The following MAP7D1 variants were observed in gnomAD, a reference collection of about 807,000 sequenced individuals.
MAP7D1 encodes the protein MAP7 domain containing 1.
A neutral mutation model predicts 97.5 loss-of-function variants in MAP7D1; 30 were observed. The ratio of observed to expected loss-of-function variants is 0.31; its 90% CI spans 0.23 to 0.42. The LOEUF (loss-of-function observed/expected upper bound fraction) is 0.42, where lower values mean the gene tolerates loss of function less well. Among genes scored for constraint, MAP7D1 ranks in the 10% least tolerant of loss-of-function variants. MAP7D1 has a pLI of 1.00. For missense variants in MAP7D1, 1,184 were observed against 1,179.5 expected (o/e 1.00, Z -0.06); for synonymous variants, 536 against 477.1 (o/e 1.12, Z -1.61).
At chr1:36,179,850 G>A in intron 15 of MAP7D1, 24 bp from the exon 16 acceptor site, 1 of 1,597,738 alleles carries the variant, frequency 6.3e-7, no homozygotes, top group Non-Finnish European at 8.5e-7. Flanking sequence ...GTGAGGTGCT[G>A]AGCCTTGGCC....
chr1:36,178,391 T>A (rs749153685), intron 9 of MAP7D1, 28 bp from the exon 10 acceptor site: 5 of 1,599,702 alleles, frequency 3.1e-6, no homozygotes, highest in Non-Finnish European at 3.4e-6. Context: ...GTGGGTGTGC[T>A]GACGCCTGAT....
At chr1:36,171,622 C>A (rs758244154) in intron 3 of MAP7D1, 41 bp downstream of exon 3, 2 of 1,602,976 alleles carry the variant, frequency 1.2e-6, no homozygotes, top group Non-Finnish European at 1.7e-6. Flanking sequence ...TCATCGTCAT[C>A]ATCAGCATCC....
chr1:36,178,173 G>A lies in MAP7D1; in HGVS notation c.1680G>A (p.Lys560=). ...CGCCCACCCCAGCCCCGCCCCAGAA[G>A]GAGCAGCCCCCCGCGGAGACCCCTA... is the stretch of plus-strand genomic sequence containing the variant. The part of the protein sequence containing the change: ...APSPTPAPPQ[K]EQPPAETPTD... Residue 560 remains lysine (K), a synonymous_variant, in exon 9 of 17, where the codon AAG becomes AAA. Transcript: ENST00000474796. 6.3e-7 allele frequency: 1 copy of A among 1,575,828 alleles called. No homozygotes were observed. The highest frequency in any genetic ancestry group is 8.6e-7 in the Non-Finnish European group (1 of 1,161,776).
At position 36,161,877 on chromosome 1, in the gene MAP7D1, A is replaced by ATGTG. The variant is rs10531948; in HGVS notation, c.46+5445_46+5448dup. ...GTTTCCTCTGCATGTGTGTGTGTGT[A>ATGTG]TGTGTGTGTGTGTGTGTGTGTGTGT... On this transcript the variant is annotated intron_variant, in intron 1 of 16. Transcript: ENST00000474796. Among the ~76,000 whole-genome samples, 586 of 139,130 alleles carry ATGTG rather than the reference A, an allele frequency of 4.2e-3. 5 individuals are homozygous for ATGTG. Among genetic ancestry groups the ATGTG allele is most frequent in the African/African-American group, 0.011 (412 of 35,918 alleles). The allele number at this position is 139,130 out of a possible 152,430, so 91.3% of individuals were successfully genotyped here.
chr1:36,179,386 T>C, intron 13 of MAP7D1, 71 bp downstream of exon 13: 1 of 1,595,556 alleles, frequency 6.3e-7, no homozygotes, highest in Non-Finnish European at 8.6e-7. Context: ...CGGAAAGGCA[T>C]CCATGGCCAC....
At position 36,176,846 on chromosome 1, in the gene MAP7D1, G is replaced by C. The variant is rs777908717; in HGVS notation, c.1379+4G>C. On this transcript the variant is annotated splice_donor_region_variant and intron_variant, in intron 8 of 16. Coordinates refer to ENST00000474796, the MANE Select transcript of MAP7D1 (RefSeq NM_001388490.1). This position sits in a 1 kb window ranked among gnomAD's most constrained non-coding sequence, Gnocchi z 6.1. ...CCAGCACCGCCTCTGAGCTCAGGTG[G>C]GCGCGGGCGGTGCGAGGGACCCTGC... 2 of 1,587,052 alleles carry C rather than the reference G, an allele frequency of 1.3e-6. No individual in the cohort carries two copies. The highest frequency in any genetic ancestry group is 3.6e-5 in the Admixed American group (2 of 56,190).
At chr1:36,173,588 CTTGCT>C (rs962937084) in intron 5 of MAP7D1, 110 bp downstream of exon 5, 1 of 748,012 alleles carries the variant, frequency 1.3e-6, no homozygotes, top group Non-Finnish European at 2.2e-6. Flanking sequence ...GCAGGTGTGC[CTTGCT>C]TTATGTGACT....
In MAP7D1 at chr1:36,179,012, A is replaced by G; in HGVS notation, c.2117A>G (p.Gln706Arg). The G allele has an allele frequency of 1.3e-6, 2 of 1,553,976 alleles. No homozygotes were observed. Among genetic ancestry groups the G allele is most frequent in the Non-Finnish European group, 1.7e-6 (2 of 1,149,248 alleles). Residue 706 changes from glutamine (Q) to arginine (R), a missense_variant, in exon 12 of 17, where the codon CAA becomes CGA. Physicochemically the swap from Gln to Arg is conservative, Grantham distance 43 (BLOSUM62 1). Coordinates refer to ENST00000474796, the MANE Select transcript of MAP7D1 (RefSeq NM_001388490.1). The stretch of plus-strand genomic sequence containing the variant: ...TTCCAGCAGCAGGAGCAAGAGCGGC[A>G]AGAGCGCAGAAAGGTGTGCGGACCT... ...KHFQQQEQER[Q>R]ERRKRLEEIM...
chr1:36,174,272 A>G (rs1644586895), intron 5 of MAP7D1, among the ~76,000 whole-genome samples: 1 of 152,180 alleles, frequency 6.6e-6, no homozygotes, highest in Non-Finnish European at 1.5e-5. Context: ...AGCTGCTACA[A>G]ATGTCATGAT....
intron 1 of MAP7D1, among the ~76,000 whole-genome samples, chr1:36,162,808 A>C (rs1644430495): frequency 6.6e-6 from 1 of 152,104 alleles, no homozygotes; most frequent in Admixed American, 6.5e-5. Context: ...CAGTACCCCC[A>C]CCCACATATC....
chr1:36,171,698 C>G, intron 3 of MAP7D1, 117 bp downstream of exon 3: 2 of 1,024,566 alleles, frequency 2.0e-6, no homozygotes, highest in South Asian at 2.8e-5. Flanking sequence ...TTTGGGAGGC[C>G]GAGGCGGGCG....
chr1:36,178,307 G>A, intron 9 of MAP7D1, 106 bp downstream of exon 9: 1 of 1,471,610 alleles, frequency 6.8e-7, no homozygotes, highest in Non-Finnish European at 9.1e-7. Flanking sequence ...GTGGGACATG[G>A]AAAGAGGAGA....
intron 2 of MAP7D1, 86 bp from the exon 3 acceptor site, chr1:36,171,427 G>A: frequency 6.4e-7 from 1 of 1,562,158 alleles, no homozygotes; most frequent in Non-Finnish European, 8.8e-7. Flanking sequence ...AGAAAGGATG[G>A]GGTGAGGCCC....
At chr1:36,178,266 G>A in intron 9 of MAP7D1, 65 bp downstream of exon 9, 1 of 1,484,684 alleles carries the variant, frequency 6.7e-7, no homozygotes, top group Non-Finnish European at 9.0e-7. Flanking sequence ...GTGTGGGGGT[G>A]TGGGCCGCCA....
chr1:36,173,501 G>C (rs1259757907), intron 5 of MAP7D1, 23 bp downstream of exon 5: 1 of 1,554,016 alleles, frequency 6.4e-7, no homozygotes, highest in African/African-American at 1.4e-5. Context: ...GAGGGGCTGG[G>C]GAGTGGGTGG....
In MAP7D1 at chr1:36,166,681, AC is replaced by A. The variant is rs1644478790; in HGVS notation, c.47-4287del. On this transcript the variant is annotated intron_variant, in intron 1 of 16. Transcript: ENST00000474796. ...TGGGATTACAGGCGTGAGCCACCGC[AC>A]CCGGCCAATCTGACTTATTTTTAAA... Among the ~76,000 whole-genome samples the A allele has an allele frequency of 2.6e-5, 4 of 151,960 alleles. No individual in the cohort carries two copies. The South Asian group carries it at 8.3e-4, about 32-fold the overall frequency.
At chr1:36,168,528 G>A (rs375650646) in intron 1 of MAP7D1, among the ~76,000 whole-genome samples, 1 of 152,154 alleles carries the variant, frequency 6.6e-6, no homozygotes, top group Admixed American at 6.6e-5. Context: ...GCAGTTGGCT[G>A]GGAAATAGAT....
At chr1:36,175,871 T>C (rs1644610096) in intron 6 of MAP7D1, among the ~76,000 whole-genome samples, 2 of 152,204 alleles carry the variant, frequency 1.3e-5, no homozygotes, top group Admixed American at 1.3e-4. Context: ...CACTGGGACA[T>C]GGCAGAGGGC....
rs755526568 is a variant in MAP7D1 at position 36,179,538 on chromosome 1, C to G, written c.2208C>G (p.Asn736Lys). The G allele has an allele frequency of 1.3e-6, 2 of 1,575,188 alleles. No individual in the cohort carries two copies. Among genetic ancestry groups the G allele is most frequent in the East Asian group, 2.3e-5 (1 of 43,354 alleles). Residue 736 changes from asparagine to lysine, a missense_variant, in exon 14 of 17, where the codon AAC becomes AAG. By Grantham distance (94) the Asn-to-Lys change is moderately conservative. Coordinates refer to ENST00000474796, the MANE Select transcript of MAP7D1 (RefSeq NM_001388490.1). Reference sequence around the variant, plus strand: ...AGAAGCAGGACAGCAAGGAGGCCAACGCCAACGGTTCCAGCCCAGGTAAAG... The same window carrying G: ...AGAAGCAGGACAGCAAGGAGGCCAAGGCCAACGGTTCCAGCCCAGGTAAAG... ...ETKKQDSKEA[N>K]ANGSSPEPVK...
Sources: allele counts gnomAD v4.1 joint callset (sites outside exome capture counted in the v4.1 genomes callset), GRCh38; gene constraint gnomAD v4.1.1; non-coding constraint Gnocchi (gnomAD v3.1); transcripts MANE v1.5; gene names NCBI Gene and HGNC (gene_info 2026-07-23, HGNC 2026-07-21).